ZEB1: variants seen among roughly 807,000 people sequenced by gnomAD.
ZEB1 encodes the protein zinc finger E-box binding homeobox 1.
In ZEB1, 21 loss-of-function variants were observed where a neutral mutation model predicts 84.9. The observed-to-expected ratio is 0.25, with a 90% CI of 0.18 to 0.36. The LOEUF (loss-of-function observed/expected upper bound fraction) is 0.36. Among genes scored for constraint, ZEB1 ranks in the 10% least tolerant of loss-of-function variants. The pLI is 1.00. For missense variants in ZEB1, 1,104 were observed against 1,330.2 expected (o/e 0.83, Z 2.65); for synonymous variants, 420 against 471.1 (o/e 0.89, Z 1.41).
chr10:31,397,885 A>G (rs1209870825), intron 1 of ZEB1, among the ~76,000 whole-genome samples: 1 of 152,194 alleles, frequency 6.6e-6, no homozygotes, highest in Non-Finnish European at 1.5e-5. Context: ...TTATTCTACA[A>G]GCAGATACAA....
At chr10:31,338,124 T>A (rs2038575086) in intron 1 of ZEB1, among the ~76,000 whole-genome samples, 1 of 152,252 alleles carries the variant, frequency 6.6e-6, no homozygotes, top group South Asian at 2.1e-4. Context: ...ATTTTCTGTT[T>A]ATTGACCACC....
chr10:31,418,391 G>A (rs2055576082), intron 1 of ZEB1, among the ~76,000 whole-genome samples: 1 of 152,000 alleles, frequency 6.6e-6, no homozygotes, highest in Non-Finnish European at 1.5e-5. Context: ...GAGTGGATGG[G>A]GGGATATAGG....
chr10:31,362,803 A>G (rs372156490), intron 1 of ZEB1: 10 of 771,050 alleles, frequency 1.3e-5, no homozygotes, highest in East Asian at 5.6e-5. Context: ...GCTGGATTAC[A>G]GGCATGAGCC....
chr10:31,395,263 G>A (rs2050496629), intron 1 of ZEB1, among the ~76,000 whole-genome samples: 1 of 152,088 alleles, frequency 6.6e-6, no homozygotes, highest in African/African-American at 2.4e-5. Context: ...AATCTCACGA[G>A]ATACTCTTTT....
intron 1 of ZEB1, among the ~76,000 whole-genome samples, chr10:31,398,203 G>C (rs1426808409): frequency 6.6e-6 from 1 of 152,024 alleles, no homozygotes; most frequent in African/African-American, 2.4e-5. Flanking sequence ...GAAGGCAAAA[G>C]AAAACATTTG....
intron 6 of ZEB1, among the ~76,000 whole-genome samples, chr10:31,519,464 A>C (rs1442346238): frequency 6.6e-6 from 1 of 152,186 alleles, no homozygotes; most frequent in Non-Finnish European, 1.5e-5. Context: ...TTTTAATATA[A>C]AAATAATGTT....
At chr10:31,447,074 C>A (rs1324088193) in intron 1 of ZEB1, among the ~76,000 whole-genome samples, 1 of 148,882 alleles carries the variant, frequency 6.7e-6, no homozygotes, top group Non-Finnish European at 1.5e-5. Context: ...TCACTCAGGA[C>A]TTGCTTTATG....
intron 2 of ZEB1, among the ~76,000 whole-genome samples, chr10:31,486,393 A>G (rs2065770968): frequency 1.3e-5 from 2 of 151,646 alleles, no homozygotes; most frequent in African/African-American, 4.8e-5. Flanking sequence ...ATTTTGTTTT[A>G]TCAGATATTT....
chr10:31,527,065 C>T lies in ZEB1; in HGVS notation c.3179C>T (p.Pro1060Leu). 6.3e-7 allele frequency: 1 copy of T among 1,583,678 alleles called. No individual in the cohort carries two copies. The highest frequency in any genetic ancestry group is 8.6e-7 in the Non-Finnish European group (1 of 1,162,548). ...ELQEEKECEK[P>L]QGDEEEEEEE... is the part of the protein sequence containing the mutation. ...CAGGAAGAAAAAGAATGTGAAAAAC[C>T]ACAAGGGGATGAGGAAGAGGAGGAG... The change falls in exon 9 of 9, where the codon CCA becomes CTA. Residue 1060 changes from proline (P) to leucine (L), a missense_variant. Pro to Leu is a moderately conservative substitution (Grantham distance 98). Transcript: ENST00000424869.
intron 2 of ZEB1, among the ~76,000 whole-genome samples, chr10:31,488,627 T>C (rs934191264): frequency 6.6e-5 from 10 of 151,056 alleles, no homozygotes; most frequent in Admixed American, 2.6e-4. Context: ...ATTCAGAATT[T>C]TGATCTGAGA....
intron 8 of ZEB1, 34 bp downstream of exon 8, chr10:31,524,147 G>T: frequency 1.3e-6 from 2 of 1,581,826 alleles, no homozygotes; most frequent in Non-Finnish European, 1.7e-6. Flanking sequence ...AAGTGTCCAT[G>T]ATATGATATA....
chr10:31,344,352 A>G (rs1454369409), intron 1 of ZEB1, among the ~76,000 whole-genome samples: 1 of 152,038 alleles, frequency 6.6e-6, no homozygotes, highest in Non-Finnish European at 1.5e-5. Flanking sequence ...TTAATTTGGT[A>G]ATTTTGACAA....
At chr10:31,428,914 G>T (rs1461420367) in intron 1 of ZEB1, among the ~76,000 whole-genome samples, 1 of 152,124 alleles carries the variant, frequency 6.6e-6, no homozygotes, top group South Asian at 2.1e-4. Flanking sequence ...CCGTTAGCTT[G>T]GTAGATTTTC....
At chr10:31,365,371 A>G (rs2044255998) in intron 1 of ZEB1, among the ~76,000 whole-genome samples, 1 of 152,060 alleles carries the variant, frequency 6.6e-6, no homozygotes, top group Non-Finnish European at 1.5e-5. Context: ...CTAGGGAAAC[A>G]TGTATGAAAA....
intron 6 of ZEB1, among the ~76,000 whole-genome samples, chr10:31,519,791 G>A (rs1050777977): frequency 6.6e-6 from 1 of 152,204 alleles, no homozygotes; most frequent in Admixed American, 6.5e-5. Context: ...GGTGAAATGG[G>A]ATAAGAAAAA....
rs551817197 is a variant in ZEB1, at chr10:31,380,523, A to G, written c.58+61231A>G. Among the ~76,000 whole-genome samples, 6 of 152,212 alleles carry G rather than the reference A, an allele frequency of 3.9e-5. No individual in the cohort carries two copies. The South Asian group carries it at 1.0e-3, about 26-fold the overall frequency. The stretch of plus-strand genomic sequence containing the variant: ...TCTCTCTATTGAGAGTTTTCTACCA[A>G]TCTTTCCTCCCGTGGGAAAAGTTGC... On this transcript the variant is annotated intron_variant, in intron 1 of 8. Transcript: ENST00000424869.
In ZEB1 at chr10:31,382,621, A is replaced by G. The variant is rs1334066100; in HGVS notation, c.58+63329A>G. On this transcript the variant is annotated intron_variant, in intron 1 of 8. Transcript: ENST00000424869. ...TTACACAACCATAGGAATAAAAAAG[A>G]AAAGGTAACAGAGAGAATACCTTTA... is the stretch of plus-strand genomic sequence containing the variant. 3.3e-5 allele frequency among the ~76,000 whole-genome samples: 5 copies of G among 152,214 alleles called. No homozygotes were observed. In the East Asian group the frequency reaches 5.8e-4, roughly 18 times the overall value.
chr10:31,448,544 T>G (rs1437713223), intron 1 of ZEB1, among the ~76,000 whole-genome samples: 2 of 151,044 alleles, frequency 1.3e-5, no homozygotes, highest in African/African-American at 4.9e-5. Flanking sequence ...CTTTGTGGTT[T>G]TATCTACTTT....
At chr10:31,448,674 G>T (rs1406896248) in intron 1 of ZEB1, among the ~76,000 whole-genome samples, 5 of 152,088 alleles carry the variant, frequency 3.3e-5, no homozygotes, top group Non-Finnish European at 4.4e-5. Context: ...ACCCTGCCGT[G>T]TGAGGTGTCA....
Sources: gnomAD v4.1 joint callset for allele counts (sites outside exome capture counted in the v4.1 genomes callset) on GRCh38, gnomAD v4.1.1 for gene constraint, MANE v1.5 for transcripts, NCBI Gene and HGNC (gene_info 2026-07-23, HGNC 2026-07-21) for gene names.